Variants in ANKFN1 observed in about 807,000 individuals in gnomAD.
ANKFN1 encodes the protein ankyrin repeat and fibronectin type-III domain-containing protein 1.
Under a neutral mutation model 108.7 loss-of-function variants are expected in ANKFN1, and 74 were observed. The ratio of observed to expected loss-of-function variants is 0.68; its 90% CI spans 0.56 to 0.83. The LOEUF (loss-of-function observed/expected upper bound fraction) is 0.83, where lower values mean the gene tolerates loss of function less well. Ranked by LOEUF, ANKFN1 falls within the 40% of genes least tolerant of loss-of-function variation. ANKFN1 has a pLI of 0.00. For missense variants in ANKFN1, 1,505 were observed against 1,382.3 expected (o/e 1.09, Z -1.41); for synonymous variants, 547 against 516.2 (o/e 1.06, Z -0.81).
intron 3 of ANKFN1, among the ~76,000 whole-genome samples, chr17:56,281,919 A>G (rs1017764468): frequency 2.6e-5 from 4 of 152,170 alleles, no homozygotes; most frequent in African/African-American, 7.2e-5. Flanking sequence ...TTGGAAAACT[A>G]TTTGGTAATT....
intron 1 of ANKFN1, chr17:56,206,675 T>G (rs1053809600): frequency 1.3e-5 from 2 of 152,162 alleles, no homozygotes; most frequent in Non-Finnish European, 2.9e-5. Context: ...CCTGGGAGCA[T>G]AAATAATTGA....
chr17:56,307,522 A>C (rs1419202055), intron 3 of ANKFN1, among the ~76,000 whole-genome samples: 1 of 152,238 alleles, frequency 6.6e-6, no homozygotes, highest in Non-Finnish European at 1.5e-5. Context: ...TCAAAACCAC[A>C]ATGAGATACC....
chr17:56,107,587 C>T (rs1905775125), intron 4 of ANKFN1, among the ~76,000 whole-genome samples: 1 of 152,078 alleles, frequency 6.6e-6, no homozygotes, highest in Non-Finnish European at 1.5e-5. Flanking sequence ...TTCCTGATCC[C>T]AAAGAGCCCG....
intron 3 of ANKFN1, among the ~76,000 whole-genome samples, chr17:56,297,972 A>T (rs2044561537): frequency 1.3e-5 from 2 of 152,194 alleles, no homozygotes. Flanking sequence ...ATATACAGAG[A>T]AAACAGCAAG....
chr17:56,302,402 T>C (rs1019923750), intron 3 of ANKFN1, among the ~76,000 whole-genome samples: 1 of 150,872 alleles, frequency 6.6e-6, no homozygotes, highest in African/African-American at 2.4e-5. Flanking sequence ...GCAGTCCCAG[T>C]TAATCATGAG....
chr17:56,425,039 C>T (rs943946125), intron 8 of ANKFN1, among the ~76,000 whole-genome samples: 1 of 151,410 alleles, frequency 6.6e-6, no homozygotes, highest in Admixed American at 6.6e-5. Context: ...CCGTTACATA[C>T]ACCTGGAGAG....
chr17:56,505,937 T>TTGG (rs2051542480), intron 20 of ANKFN1, among the ~76,000 whole-genome samples: 1 of 152,232 alleles, frequency 6.6e-6, no homozygotes, highest in Non-Finnish European at 1.5e-5. Flanking sequence ...GTTGCAAACT[T>TTGG]CAGTGGTTGC....
At chr17:56,131,037 G>C (rs16956698) in intron 4 of ANKFN1, among the ~76,000 whole-genome samples, 27,422 of 152,014 alleles carry the variant, frequency 0.18, 2,867 homozygotes, top group East Asian at 0.28. Flanking sequence ...ACAAAGAGAG[G>C]AGCAGTTGAA....
chr17:56,266,521 C>T (rs1427468726), intron 3 of ANKFN1, among the ~76,000 whole-genome samples: 1 of 152,008 alleles, frequency 6.6e-6, no homozygotes, highest in African/African-American at 2.4e-5. Context: ...TTAAATGTCC[C>T]TCCTAGGAGT....
chr17:56,370,716 A>G (rs2046787453), intron 6 of ANKFN1, among the ~76,000 whole-genome samples: 1 of 152,228 alleles, frequency 6.6e-6, no homozygotes, highest in Non-Finnish European at 1.5e-5. Context: ...ACAAATGTAT[A>G]CGAATTTGTT....
intron 3 of ANKFN1, among the ~76,000 whole-genome samples, chr17:56,279,757 A>G (rs757751491): frequency 2.0e-5 from 3 of 152,182 alleles, no homozygotes; most frequent in Admixed American, 1.3e-4. Context: ...TCTACACACA[A>G]TTATTGAACA....
chr17:56,306,632 C>T (rs1343014923), intron 3 of ANKFN1, among the ~76,000 whole-genome samples: 2 of 152,120 alleles, frequency 1.3e-5, no homozygotes, highest in African/African-American at 4.8e-5. Context: ...GAATCAATAT[C>T]GTGAAAATGG....
At chr17:56,092,733 A>G (rs115619181) in intron 4 of ANKFN1, among the ~76,000 whole-genome samples, 1,911 of 151,138 alleles carry the variant, frequency 0.013, 95 homozygotes, top group African/African-American at 0.044. Flanking sequence ...CTAGAGTCTC[A>G]TCTGGGAGGG....
chr17:56,417,156 A>T (rs542089464), intron 8 of ANKFN1, among the ~76,000 whole-genome samples: 36 of 152,308 alleles, frequency 2.4e-4, no homozygotes, highest in African/African-American at 7.7e-4. Context: ...TATTTGATAG[A>T]CAAACAGGAT....
chr17:56,080,037 T>G (rs1905227596), intron 4 of ANKFN1, among the ~76,000 whole-genome samples: 1 of 152,122 alleles, frequency 6.6e-6, no homozygotes, highest in Non-Finnish European at 1.5e-5. Flanking sequence ...CAAAAAAGGC[T>G]TGGTTACTCA....
intron 3 of ANKFN1, among the ~76,000 whole-genome samples, chr17:56,318,246 G>T (rs1031342468): frequency 1.1e-4 from 16 of 151,954 alleles, no homozygotes; most frequent in African/African-American, 3.4e-4. Context: ...TTCTGGGGGG[G>T]GTGTGCTGGC....
At chr17:56,305,745 G>GT (rs1242557579) in intron 3 of ANKFN1, among the ~76,000 whole-genome samples, 3 of 152,084 alleles carry the variant, frequency 2.0e-5, no homozygotes, top group South Asian at 2.1e-4. Flanking sequence ...ATTTTTCTAT[G>GT]TTTTTTCTAC....
At chr17:56,153,124 C>T (rs573320697), upstream of ANKFN1, among the ~76,000 whole-genome samples, 4 of 152,262 alleles carry the variant, frequency 2.6e-5, no homozygotes, top group African/African-American at 7.2e-5. Flanking sequence ...CTCTTTCCTT[C>T]CCACCCTGTC....
At position 56,488,660 on chromosome 17, in the gene ANKFN1, T is replaced by A. The variant is rs144129548; in HGVS notation, c.2261-3527T>A. 1.7e-4 allele frequency among the ~76,000 whole-genome samples: 26 copies of A among 152,336 alleles called. No homozygotes were observed. The East Asian group carries it at 5.0e-3, about 29-fold the overall frequency. ...CTGTCAACTCATTCACTACTAGGAA[T>A]CTTTAGAGGGGCACCTTGTGCCCCA... On this transcript the variant is annotated intron_variant, in intron 18 of 20. Transcript: ENST00000682825.
Sources: allele counts gnomAD v4.1 joint callset (sites outside exome capture counted in the v4.1 genomes callset), GRCh38; gene constraint gnomAD v4.1.1; transcripts MANE v1.5; gene names NCBI Gene and HGNC (gene_info 2026-07-23, HGNC 2026-07-21).